Variants in NEB observed in about 807,000 individuals in gnomAD.
NEB encodes the protein nemaline myopathy type 2.
A neutral mutation model predicts 952.2 loss-of-function variants in NEB; 512 were observed. The ratio of observed to expected loss-of-function variants is 0.54; its 90% CI spans 0.50 to 0.58. The LOEUF is 0.58. Ranked by LOEUF, NEB falls within the 20% of genes least tolerant of loss-of-function variation. NEB has a pLI of 0.00. For missense variants in NEB, 8,428 were observed against 9,231.1 expected (o/e 0.91, Z 3.56); for synonymous variants, 2,900 against 3,149.8 (o/e 0.92, Z 2.66).
At position 151,610,061 on chromosome 2, in the gene NEB, A is replaced by G. The variant is rs1367511738; in HGVS notation, c.12078T>C (p.Ile4026=). ...CACACATAATCTTGGGATCATCTTC[A>G]ATGCTCTGGGCTCCAATGTGGTGGC... ...QKGHHIGAQS[I]EDDPKIMCAI... The change falls in exon 81 of 182, where the codon ATT becomes ATC. Residue 4026 remains isoleucine (I), a synonymous_variant. Transcript: ENST00000397345. 1 of 1,613,774 alleles carries G rather than the reference A, an allele frequency of 6.2e-7. No individual in the cohort carries two copies. Among genetic ancestry groups the G allele is most frequent in the East Asian group, 2.2e-5 (1 of 44,824 alleles).
intron 138 of NEB, 112 bp from the exon 139 acceptor site, chr2:151,538,356 A>G (rs766961468): frequency 6.3e-6 from 5 of 791,230 alleles, no homozygotes; most frequent in Non-Finnish European, 1.0e-5. Context: ...GAATACATTT[A>G]GGAAAAATTT....
At chr2:151,637,836 A>G (rs974495244) in intron 63 of NEB, among the ~76,000 whole-genome samples, 1 of 152,208 alleles carries the variant, frequency 6.6e-6, no homozygotes, top group Admixed American at 6.5e-5. Context: ...GTTTTTGGTG[A>G]CAATTAAAAG....
rs200703673 is a variant in NEB, at chr2:151,579,372, A to G, written c.16670T>C (p.Ile5557Thr). 1,562 of 1,529,978 alleles carry G rather than the reference A, an allele frequency of 1.0e-3. 30 individuals are homozygous for G. In the African/African-American group the frequency reaches 0.017, roughly 17 times the overall value. 94.8% of individuals were successfully genotyped at this position (1,529,978 alleles called of 1,614,324 possible). ...WSCFPDQNDVIQARKAYDLQS... is the reference protein window; with the variant it reads ...WSCFPDQNDVTQARKAYDLQS... ...TAGGTCGTAGGCTTTCCTGGCTTGG[A>G]TCACATCATTCTGGTCGGGAAAGCA... The change falls in exon 105 of 182, where the codon ATC becomes ACC. Residue 5557 changes from isoleucine (I) to threonine (T), a missense_variant. Physicochemically the swap from Ile to Thr is moderately conservative, Grantham distance 89. Coordinates refer to ENST00000397345, the MANE Select transcript of NEB (RefSeq NM_001164508.2).
Position 151,627,830 on chromosome 2 carries a change from T to C in NEB, c.9836A>G (p.Lys3279Arg), listed in dbSNP as rs772766917. Residue 3279 changes from lysine to arginine, a missense_variant, in exon 69 of 182, where the codon AAA becomes AGA. Coordinates refer to ENST00000397345, the MANE Select transcript of NEB (RefSeq NM_001164508.2). Reference protein sequence around the residue: ...KASRDVISDYKYKDGYRKQLG... With the variant: ...KASRDVISDYRYKDGYRKQLG... ...CTGCTTGCGGTAACCATCTTTGTAT[T>C]TGTACTGAAATAAAGGTGGTCATTT... 5.0e-6 allele frequency: 8 copies of C among 1,613,316 alleles called. No homozygotes were observed. The highest frequency in any genetic ancestry group is 6.8e-6 in the Non-Finnish European group (8 of 1,179,316).
In NEB at chr2:151,503,471, G is replaced by C. The variant is rs756951729; in HGVS notation, c.23743-30C>G. The C allele has an allele frequency of 2.7e-6, 4 of 1,480,170 alleles. No homozygotes were observed. The South Asian group carries it at 4.6e-5, about 17-fold the overall frequency. 91.7% of individuals were successfully genotyped at this position (1,480,170 alleles called of 1,614,324 possible). On this transcript the variant is annotated intron_variant, in intron 165 of 181. Coordinates refer to ENST00000397345, the MANE Select transcript of NEB (RefSeq NM_001164508.2). ...AGAAAATAATTAGAATACCCAGAAAGGTAAAATGACCGTAAATCCTTTAGA... is the reference window on the plus strand; with the variant it reads ...AGAAAATAATTAGAATACCCAGAAACGTAAAATGACCGTAAATCCTTTAGA...
chr2:151,569,432 A>C, intron 109 of NEB, 60 bp from the exon 110 acceptor site: 1 of 1,263,912 alleles, frequency 7.9e-7, no homozygotes, highest in Non-Finnish European at 1.2e-6. Flanking sequence ...TAGTTAGCCT[A>C]TCCATTGGTC....
intron 29 of NEB, 30 bp downstream of exon 29, chr2:151,682,632 C>G (rs751032903): frequency 1.3e-6 from 2 of 1,541,160 alleles, no homozygotes; most frequent in South Asian, 2.3e-5. Context: ...ACAGTCACCA[C>G]TCTCCCTCTG....
chr2:151,591,865 A>G (rs566670037), intron 95 of NEB, among the ~76,000 whole-genome samples, 169 bp downstream of exon 95: 2 of 152,406 alleles, frequency 1.3e-5, no homozygotes, highest in African/African-American at 2.4e-5. Context: ...TGAGATGTAC[A>G]TTACACAGAC....
At chr2:151,718,883 CCT>C (rs2099766583) in intron 9 of NEB, among the ~76,000 whole-genome samples, 1 of 152,208 alleles carries the variant, frequency 6.6e-6, no homozygotes, top group Non-Finnish European at 1.5e-5. Flanking sequence ...AGACTTGGCC[CCT>C]GTTTCCAACA....
In NEB at chr2:151,729,671, C is replaced by T. The variant is rs763233833; in HGVS notation, c.37-15G>A. 7 of 1,613,084 alleles carry T rather than the reference C, an allele frequency of 4.3e-6. No individual in the cohort carries two copies. Among genetic ancestry groups the T allele is most frequent in the Non-Finnish European group, 5.9e-6 (7 of 1,179,394 alleles). On this transcript the variant is annotated splice_polypyrimidine_tract_variant and intron_variant, in intron 3 of 181. Coordinates refer to ENST00000397345, the MANE Select transcript of NEB (RefSeq NM_001164508.2). ...TCTGTGTAGTACTGTAAATAGAGCA[C>T]AAAGGCATTGGCAAGAGAACCAAAG...
chr2:151,677,746 T>C lies in NEB; in HGVS notation c.3593A>G (p.Asn1198Ser), dbSNP rs146616621. 4,412 of 1,613,934 alleles carry C rather than the reference T, an allele frequency of 2.7e-3. 7 individuals are homozygous for C. Among genetic ancestry groups the C allele is most frequent in the Non-Finnish European group, 3.1e-3 (3,612 of 1,179,866 alleles). ...SDNVYKEDYN[N>S]WMKGIGWIPI... The stretch of plus-strand genomic sequence containing the variant: ...AATCCAGCCAATGCCTTTCATCCAG[T>C]TGTTGTAGTCTTCCTTGTAGACGTT... The change falls in exon 34 of 182, where the codon AAC becomes AGC. Residue 1198 changes from asparagine (N) to serine (S), a missense_variant. Physicochemically the swap from Asn to Ser is conservative, Grantham distance 46. This residue lies in a region of NEB where 2,851 missense variants were observed against 2,791.5 expected (regional missense o/e 1.02). Transcript: ENST00000397345.
Position 151,692,334 on chromosome 2 carries a change from G to T in NEB, c.1925C>A (p.Thr642Lys), listed in dbSNP as rs1374728018. ...ACAGTAATTCATACTCTTTGCCTTT[G>T]TCTTCTCATAGTTTTCCTTGTATAA... is the stretch of plus-strand genomic sequence containing the variant. ...DRLYKENYEK[T>K]KAKSMNYCET... The change falls in exon 21 of 182, where the codon ACA becomes AAA. Residue 642 changes from threonine (T) to lysine (K), a missense_variant. By Grantham distance (78) the Thr-to-Lys change is moderately conservative. Coordinates refer to ENST00000397345, the MANE Select transcript of NEB (RefSeq NM_001164508.2). The T allele has an allele frequency of 5.6e-6, 9 of 1,612,066 alleles. No homozygotes were observed. Among genetic ancestry groups the T allele is most frequent in the Non-Finnish European group, 7.6e-6 (9 of 1,178,748 alleles).
intron 142 of NEB, among the ~76,000 whole-genome samples, chr2:151,534,541 T>C (rs2092674402): frequency 6.6e-6 from 1 of 152,288 alleles, no homozygotes; most frequent in East Asian, 1.9e-4. Flanking sequence ...ACACCAAAAT[T>C]AGAGTTCCTT....
Position 151,553,977 on chromosome 2 carries a change from C to G in NEB, c.19477G>C (p.Val6493Leu), listed in dbSNP as rs1233717326. The change falls in exon 126 of 182, where the codon GTG becomes CTG. Residue 6493 changes from valine to leucine, a missense_variant. Coordinates refer to ENST00000397345, the MANE Select transcript of NEB (RefSeq NM_001164508.2). ...GTAACCATCTCTACCATGTCGGGCA[C>G]GATGTGGATTTTCATCTTGTTCTTT... ...YEKNKMKIHI[V>L]PDMVEMVTAK... 1.2e-6 allele frequency: 2 copies of G among 1,613,666 alleles called. No homozygotes were observed. The highest frequency in any genetic ancestry group is 2.7e-5 in the African/African-American group (2 of 74,876).
intron 100 of NEB, among the ~76,000 whole-genome samples, chr2:151,583,978 T>C (rs1444213220): frequency 1.7e-5 from 2 of 120,208 alleles, no homozygotes; most frequent in Non-Finnish European, 3.5e-5. Flanking sequence ...AGGAGGGAGA[T>C]GGTATGGTGA....
intron 172 of NEB, 74 bp downstream of exon 172, chr2:151,496,867 A>AAT: frequency 7.1e-7 from 1 of 1,414,596 alleles, no homozygotes; most frequent in Non-Finnish European, 9.7e-7. Flanking sequence ...AAATAGGATT[A>AAT]ATATGTATTA....
intron 28 of NEB, 34 bp from the exon 29 acceptor site, chr2:151,682,803 C>T: frequency 6.6e-7 from 1 of 1,523,036 alleles, no homozygotes. Flanking sequence ...CATTTCTTTG[C>T]TGTGTCATCC....
chr2:151,615,723 T>C (rs1257619069), intron 76 of NEB, among the ~76,000 whole-genome samples: 1 of 152,132 alleles, frequency 6.6e-6, no homozygotes, highest in Non-Finnish European at 1.5e-5. Context: ...GAAGACGGAG[T>C]GTTCAATTTC....
Position 151,642,745 on chromosome 2 carries a change from A to G in NEB, c.8265+20T>C. ...GCATTGTAAGGAAAATGTATCACGC[A>G]CTATGAATATATTACTTACCTCACT... is the stretch of plus-strand genomic sequence containing the variant. On this transcript the variant is annotated intron_variant, in intron 59 of 181. Coordinates refer to ENST00000397345, the MANE Select transcript of NEB (RefSeq NM_001164508.2). 3 of 1,603,734 alleles carry G rather than the reference A, an allele frequency of 1.9e-6. No individual in the cohort carries two copies. The highest frequency in any genetic ancestry group is 2.6e-6 in the Non-Finnish European group (3 of 1,171,872).
Sources: allele counts gnomAD v4.1 joint callset (sites outside exome capture counted in the v4.1 genomes callset), GRCh38; gene constraint gnomAD v4.1.1; regional missense constraint gnomAD v4.1.1; transcripts MANE v1.5; gene names NCBI Gene and HGNC (gene_info 2026-07-23, HGNC 2026-07-21).